Variants in RNLS observed in about 807,000 individuals in gnomAD.
The protein encoded by RNLS is renalase, FAD dependent amine oxidase.
Under a neutral mutation model 39.8 loss-of-function variants are expected in RNLS, and 39 were observed. The observed-to-expected ratio is 0.98, with a 90% CI of 0.76 to 1.28. The LOEUF (loss-of-function observed/expected upper bound fraction) is 1.28, where lower values mean the gene tolerates loss of function less well. Among genes scored for constraint, RNLS ranks in the 50% most tolerant of loss-of-function variants. The pLI is 0.00. For synonymous variants in RNLS, 147 were observed against 150.7 expected (o/e 0.98, Z 0.18); for missense variants, 410 against 413.3 (o/e 0.99, Z 0.07).
intron 4 of RNLS, among the ~76,000 whole-genome samples, chr10:88,483,721 G>A (rs1196601553): frequency 6.6e-6 from 1 of 151,134 alleles, no homozygotes; most frequent in African/African-American, 2.4e-5. Flanking sequence ...GCTATATTTT[G>A]TTCACACTTC....
intron 4 of RNLS, among the ~76,000 whole-genome samples, chr10:88,497,003 G>A (rs916623929): frequency 6.6e-6 from 1 of 152,008 alleles, no homozygotes; most frequent in South Asian, 2.1e-4. Flanking sequence ...ATATTAAAAT[G>A]AAAATGAAAG....
chr10:88,323,252 A>C (rs764605113), intron 5 of RNLS, among the ~76,000 whole-genome samples: 8 of 152,110 alleles, frequency 5.3e-5, no homozygotes, highest in Non-Finnish European at 1.2e-4. Flanking sequence ...CAAATTACCT[A>C]CATCATTTTT....
chr10:88,195,649 CAAGA>C, the RNLS span, among the ~76,000 whole-genome samples: 1 of 152,150 alleles, frequency 6.6e-6, no homozygotes, highest in East Asian at 1.9e-4. Flanking sequence ...ACACAGACCC[CAAGA>C]AAGAGCTCAT....
At chr10:88,266,151 C>T in the RNLS span, among the ~76,000 whole-genome samples, 15 of 152,226 alleles carry the variant, frequency 9.9e-5, no homozygotes, top group African/African-American at 2.9e-4. Flanking sequence ...TGGCTAGTCA[C>T]GTGATGCTAA....
intron 4 of RNLS, among the ~76,000 whole-genome samples, chr10:88,496,663 C>A (rs192215134): frequency 3.3e-4 from 51 of 152,254 alleles, no homozygotes; most frequent in African/African-American, 1.1e-3. Flanking sequence ...CAACAGACAA[C>A]ACACAGCATT....
Position 88,284,949 on chromosome 10 carries a change from G to A in RNLS, c.*405C>T, listed in dbSNP as rs1281446945. 4.1e-6 allele frequency: 4 copies of A among 987,424 alleles called. No homozygotes were observed. The highest frequency in any genetic ancestry group is 4.7e-5 in the South Asian group (1 of 21,392). The allele number at this position is 987,424 out of a possible 1,614,324, so 61.2% of individuals were successfully genotyped here. A position where few individuals can be genotyped will look rare whatever the true frequency, so the allele number is the denominator to read the frequency against. ...AAAATATTGATTCAAGGACACATCC[G>A]AAGACTTAAGATGGGGCTTTGATAA... On this transcript the variant is annotated 3_prime_UTR_variant, in exon 7 of 7. Transcript: ENST00000331772.
the RNLS span, among the ~76,000 whole-genome samples, chr10:88,231,743 A>G: frequency 2.0e-5 from 3 of 152,342 alleles, no homozygotes; most frequent in East Asian, 1.9e-4. Context: ...GTAGCTACAA[A>G]TAGAGACAGA....
intron 4 of RNLS, among the ~76,000 whole-genome samples, chr10:88,505,903 A>C (rs1845762423): frequency 6.6e-6 from 1 of 152,152 alleles, no homozygotes; most frequent in African/African-American, 2.4e-5. Flanking sequence ...TGGTTCTCAA[A>C]GTGTAGTCCT....
At chr10:88,459,222 TTCTC>T (rs774953826) in intron 4 of RNLS, among the ~76,000 whole-genome samples, 10 of 152,040 alleles carry the variant, frequency 6.6e-5, no homozygotes, top group South Asian at 2.1e-4. Context: ...GATAAGGACT[TTCTC>T]TCATTCATTT....
chr10:88,520,274 T>C (rs924349371), intron 4 of RNLS, among the ~76,000 whole-genome samples: 8 of 152,014 alleles, frequency 5.3e-5, no homozygotes, highest in Admixed American at 2.0e-4. Context: ...AATCAAGTGA[T>C]GGGCACAATG....
At chr10:88,237,696 ATATGGCACAAATAAGGCTG>A in the RNLS span, among the ~76,000 whole-genome samples, 1 of 152,206 alleles carries the variant, frequency 6.6e-6, no homozygotes, top group South Asian at 2.1e-4. Context: ...CTTGGCTGCT[ATATGGCACAAATAAGGCTG>A]TATTTCTATT....
chr10:88,356,013 T>C (rs1849147715), intron 5 of RNLS, among the ~76,000 whole-genome samples: 1 of 152,236 alleles, frequency 6.6e-6, no homozygotes, highest in Non-Finnish European at 1.5e-5. Flanking sequence ...TGGGACCCTC[T>C]GATCCTTGCG....
intron 4 of RNLS, among the ~76,000 whole-genome samples, chr10:88,429,182 A>C (rs1854994715): frequency 6.6e-6 from 1 of 151,924 alleles, no homozygotes; most frequent in Non-Finnish European, 1.5e-5. Flanking sequence ...CAGGGCCGCC[A>C]CTTTCTAGCA....
intron 4 of RNLS, among the ~76,000 whole-genome samples, chr10:88,571,527 T>A (rs541061487): frequency 6.6e-6 from 1 of 152,164 alleles, no homozygotes. Flanking sequence ...TCTCTAAGAC[T>A]CCCTTCAATT....
At chr10:88,487,455 A>C (rs546601643) in intron 4 of RNLS, among the ~76,000 whole-genome samples, 1 of 152,218 alleles carries the variant, frequency 6.6e-6, no homozygotes, top group Non-Finnish European at 1.5e-5. Flanking sequence ...AGACATATAG[A>C]TGGTAAATAA....
chr10:88,203,268 GTATATATATATA>G, the RNLS span, among the ~76,000 whole-genome samples: 8 of 16,796 alleles, frequency 4.8e-4, 1 homozygote, highest in African/African-American at 2.4e-3. Context: ...GTGTGTGTAT[GTATATATATATA>G]TATATATATA....
chr10:88,396,274 T>C (rs1791975778), intron 4 of RNLS, among the ~76,000 whole-genome samples: 2 of 152,040 alleles, frequency 1.3e-5, no homozygotes, highest in Non-Finnish European at 2.9e-5. Flanking sequence ...TAAATCTGTG[T>C]TAATGTGTAT....
chr10:88,363,122 G>C (rs1849770470), intron 4 of RNLS, among the ~76,000 whole-genome samples: 1 of 151,980 alleles, frequency 6.6e-6, no homozygotes, highest in Non-Finnish European at 1.5e-5. Flanking sequence ...CATAACAACA[G>C]TTTTGAAAGG....
At position 88,386,565 on chromosome 10, in the gene RNLS, T is replaced by C. The variant is rs548633392; in HGVS notation, c.527-23840A>G. On this transcript the variant is annotated intron_variant, in intron 4 of 6. Transcript: ENST00000331772. ...GCTATTTTTCCTTATCAAACGTCTT[T>C]AGGGTTTTGGAAGGCAGAGCTGTTC... Among the ~76,000 whole-genome samples the C allele has an allele frequency of 3.9e-5, 6 of 152,322 alleles. No homozygotes were observed. The South Asian group carries it at 1.2e-3, about 32-fold the overall frequency.
Sources: allele counts gnomAD v4.1 joint callset (sites outside exome capture counted in the v4.1 genomes callset), GRCh38; gene constraint gnomAD v4.1.1; transcripts MANE v1.5; gene names NCBI Gene and HGNC (gene_info 2026-07-23, HGNC 2026-07-21).